The following TMEM39B variants were observed in gnomAD, a reference collection of about 807,000 sequenced individuals.
TMEM39B encodes the protein transmembrane protein 39B.
Under a neutral mutation model 52.2 loss-of-function variants are expected in TMEM39B, and 23 were observed. The ratio of observed to expected loss-of-function variants is 0.44; its 90% CI spans 0.32 to 0.62. The LOEUF is 0.62. TMEM39B is among the 20% of genes least tolerant of loss of function. The pLI is 0.06. For synonymous variants in TMEM39B, 285 were observed against 264.0 expected (o/e 1.08, Z -0.77); for missense variants, 547 against 642.0 (o/e 0.85, Z 1.60).
intron 5 of TMEM39B, among the ~76,000 whole-genome samples, chr1:32,083,580 G>A (rs1640208854): frequency 6.6e-6 from 1 of 151,042 alleles, no homozygotes; most frequent in African/African-American, 2.4e-5. Context: ...CCGCCACCAC[G>A]CCTGGCTAAT....
chr1:32,092,957 G>A (rs938482080), intron 6 of TMEM39B, among the ~76,000 whole-genome samples: 2 of 152,188 alleles, frequency 1.3e-5, no homozygotes, highest in African/African-American at 4.8e-5. Context: ...ATGTCACAAT[G>A]TCTGGTTTTA....
chr1:32,073,321 G>A (rs1639718389), intron 1 of TMEM39B: 1 of 484,692 alleles, frequency 2.1e-6, no homozygotes. Flanking sequence ...GGGCTAGAAA[G>A]GGGGGCGGGA....
intron 1 of TMEM39B, chr1:32,073,839 A>G: frequency 2.0e-6 from 2 of 985,334 alleles, no homozygotes; most frequent in Non-Finnish European, 2.4e-6. Flanking sequence ...CGTGGGGTGT[A>G]TGTGAATGGA....
intron 5 of TMEM39B, among the ~76,000 whole-genome samples, chr1:32,083,409 C>CTT (rs1052027069): frequency 0.017 from 906 of 54,684 alleles, 97 homozygotes; most frequent in African/African-American, 0.041. Flanking sequence ...TAAAGGACTT[C>CTT]TTTTTTTTTT....
At chr1:32,074,177 C>G (rs1639758129) in intron 1 of TMEM39B, among the ~76,000 whole-genome samples, 2 of 152,198 alleles carry the variant, frequency 1.3e-5, no homozygotes, top group East Asian at 3.9e-4. Flanking sequence ...CAGGATTCTC[C>G]CAGCCATATC....
chr1:32,090,352 C>T (rs905124434), intron 5 of TMEM39B, among the ~76,000 whole-genome samples: 4 of 152,200 alleles, frequency 2.6e-5, no homozygotes, highest in Admixed American at 1.3e-4. Flanking sequence ...GTGCCTGGTA[C>T]GTAATAAACA....
At chr1:32,083,054 G>C (rs189580178) in intron 5 of TMEM39B, among the ~76,000 whole-genome samples, 56 of 148,812 alleles carry the variant, frequency 3.8e-4, no homozygotes, top group Middle Eastern at 3.6e-3. Context: ...GATTACAAGC[G>C]TGAGCCACCG....
At chr1:32,091,525 A>AGGGT (rs763020137) in intron 5 of TMEM39B, 150 bp from the exon 6 acceptor site, 1 of 811,438 alleles carries the variant, frequency 1.2e-6, no homozygotes, top group Non-Finnish European at 1.9e-6. Context: ...ATTGGATGGT[A>AGGGT]GGGTGGATGG....
At chr1:32,082,033 C>G (rs1043806598) in intron 5 of TMEM39B, among the ~76,000 whole-genome samples, 3 of 152,108 alleles carry the variant, frequency 2.0e-5, no homozygotes, top group African/African-American at 7.2e-5. Context: ...CCTTACTGTT[C>G]CCAGTAATTG....
intron 8 of TMEM39B, 76 bp downstream of exon 8, chr1:32,100,638 A>G: frequency 6.3e-7 from 1 of 1,586,710 alleles, no homozygotes; most frequent in Non-Finnish European, 8.6e-7. Context: ...ATGTGATGTC[A>G]TTGCAAGAGA....
At chr1:32,099,326 G>A (rs890654462) in intron 7 of TMEM39B, among the ~76,000 whole-genome samples, 6 of 152,054 alleles carry the variant, frequency 3.9e-5, no homozygotes, top group Admixed American at 2.6e-4. Context: ...GTGGTGGGGT[G>A]GGGTGGGGGA....
intron 1 of TMEM39B, 84 bp downstream of exon 1, chr1:32,073,135 G>A: frequency 1.5e-6 from 2 of 1,359,834 alleles, no homozygotes; most frequent in Non-Finnish European, 1.9e-6. Flanking sequence ...TGCTCCACGC[G>A]GACAGGAGCC....
At position 32,091,754 on chromosome 1, in the gene TMEM39B, G is replaced by C; in HGVS notation, c.670G>C (p.Gly224Arg). Reference protein sequence around the residue: ...TSLFNHMASMGPREAVSGLAK... With the variant: ...TSLFNHMASMRPREAVSGLAK... ...CCTCTTCAACCACATGGCCTCCATGGGGCCCCGGGAGGCGGTCAGTGGCCT... is the reference window on the plus strand; with the variant it reads ...CCTCTTCAACCACATGGCCTCCATGCGGCCCCGGGAGGCGGTCAGTGGCCT... The change falls in exon 6 of 9, where the codon GGG (glycine) becomes CGG (arginine). Residue 224 changes from glycine to arginine, a missense_variant. Transcript: ENST00000336294. 6.2e-7 allele frequency: 1 copy of C among 1,614,212 alleles called. No homozygotes were observed. The highest frequency in any genetic ancestry group is 8.5e-7 in the Non-Finnish European group (1 of 1,180,038).
intron 6 of TMEM39B, among the ~76,000 whole-genome samples, chr1:32,093,160 G>A (rs763371232): frequency 2.0e-5 from 3 of 151,340 alleles, no homozygotes; most frequent in Non-Finnish European, 4.4e-5. Context: ...GTGCAGTGGT[G>A]CGATCTTAGC....
chr1:32,073,843 G>A, intron 1 of TMEM39B: 1 of 985,414 alleles, frequency 1.0e-6, no homozygotes, highest in Non-Finnish European at 1.2e-6. Context: ...GGGTGTATGT[G>A]AATGGAGGCT....
At chr1:32,097,030 T>C (rs57631383) in intron 7 of TMEM39B, among the ~76,000 whole-genome samples, 19,628 of 151,746 alleles carry the variant, frequency 0.13, 1,669 homozygotes, top group South Asian at 0.25. Flanking sequence ...GTCTAGAGCT[T>C]ATGGGCTCGA....
Position 32,073,070 on chromosome 1 carries a change from G to C in TMEM39B, c.4+19G>C. ...GAGATGGGTGAGCAGAGCGGCTCAG[G>C]CTCGGCCTGGCAACGAGCGGGCGCA... On this transcript the variant is annotated intron_variant, in intron 1 of 8. Transcript: ENST00000336294. 1.4e-6 allele frequency: 2 copies of C among 1,471,842 alleles called. No homozygotes were observed. The highest frequency in any genetic ancestry group is 1.8e-6 in the Non-Finnish European group (2 of 1,107,464). The allele number at this position is 1,471,842 out of a possible 1,614,324, so 91.2% of individuals were successfully genotyped here. A position where few individuals can be genotyped will look rare whatever the true frequency, so the allele number is the denominator to read the frequency against.
upstream of TMEM39B, chr1:32,072,321 C>CT (rs1218478678): frequency 2.0e-5 from 3 of 146,464 alleles, no homozygotes; most frequent in African/African-American, 7.6e-5. Context: ...TCTGCATGCT[C>CT]TATTTCATTT....
rs1439841297 is a variant in TMEM39B, at chr1:32,075,839, GGTGTGTGTGTGTGTGTGTGTGTGTGC to G, written c.351+28_351+53del. On this transcript the variant is annotated intron_variant, in intron 3 of 8. Transcript: ENST00000336294. ...ACCTCCCTGGTAGGTACCCAACAAG[GGTGTGTGTGTGTGTGTGTGTGTGTGC>G]GTGTGTGTGTATGTGTGTGTGTGTT... is the stretch of plus-strand genomic sequence containing the variant. 65 of 1,260,912 alleles carry G rather than the reference GGTGTGTGTGTGTGTGTGTGTGTGTGC, an allele frequency of 5.2e-5. No homozygotes were observed. The highest frequency in any genetic ancestry group is 2.7e-4 in the Middle Eastern group (1 of 3,652). 78.1% of individuals were successfully genotyped at this position (1,260,912 alleles called of 1,614,324 possible).
Sources: gnomAD v4.1 joint callset for allele counts (sites outside exome capture counted in the v4.1 genomes callset) on GRCh38, gnomAD v4.1.1 for gene constraint, MANE v1.5 for transcripts, NCBI Gene and HGNC (gene_info 2026-07-23, HGNC 2026-07-21) for gene names.